NOTCH3: variants seen among roughly 807,000 people sequenced by gnomAD.
NOTCH3 encodes notch receptor 3.
NOTCH3 carries 86 observed loss-of-function variants against 213.3 expected under a neutral mutation model. The ratio of observed to expected loss-of-function variants is 0.40; its 90% CI spans 0.34 to 0.48. NOTCH3 has a LOEUF of 0.48. Among genes scored for constraint, NOTCH3 ranks in the 20% least tolerant of loss-of-function variants. NOTCH3 has a pLI of 0.57. For missense variants in NOTCH3, 2,783 were observed against 3,272.6 expected, an observed-to-expected ratio of 0.85 and a Z score of 3.65; for synonymous variants, 1,354 against 1,355.9, an observed-to-expected ratio of 1.00 and a Z score of 0.03.
chr19:15,200,776 C>G lies in NOTCH3; in HGVS notation c.118+12G>C, dbSNP rs1265800637. The stretch of plus-strand genomic sequence containing the variant: ...CCGCCCTCGTCCCATCCGCCAGGTC[C>G]CGGCCCCTCACCTGCAGCCCCCGGC... On this transcript the variant is annotated intron_variant, in intron 1 of 32. Transcript: ENST00000263388. The G allele has an allele frequency of 1.5e-6, 2 of 1,292,606 alleles. No individual in the cohort carries two copies. The highest frequency in any genetic ancestry group is 2.0e-6 in the Non-Finnish European group (2 of 1,014,764). The allele number at this position is 1,292,606 out of a possible 1,614,324, so 80.1% of individuals were successfully genotyped here.
At chr19:15,198,330 C>T (rs372214075) in intron 1 of NOTCH3, among the ~76,000 whole-genome samples, 6 of 152,062 alleles carry the variant, frequency 3.9e-5, no homozygotes, top group African/African-American at 9.7e-5. Flanking sequence ...GGACACAGTG[C>T]GTGTGTCCAT....
intron 17 of NOTCH3, 119 bp downstream of exon 17, chr19:15,181,457 G>T: frequency 1.2e-6 from 1 of 825,354 alleles, no homozygotes; most frequent in Non-Finnish European, 1.9e-6. Flanking sequence ...AGTCATCAGA[G>T]TCCGCAGTGG....
At chr19:15,173,058 T>C (rs1480769049) in intron 25 of NOTCH3, among the ~76,000 whole-genome samples, 91 of 2,356 alleles carry the variant, frequency 0.039, 8 homozygotes, top group African/African-American at 0.3. Context: ...TCCTCCCTCT[T>C]CTTCTTCTTC....
At chr19:15,178,678 C>G in intron 23 of NOTCH3, 145 bp downstream of exon 23, 1 of 705,120 alleles carries the variant, frequency 1.4e-6, no homozygotes, top group Admixed American at 2.0e-5. Flanking sequence ...AGCTACCACA[C>G]CCGGCGGAAA....
chr19:15,189,045 CG>C lies in NOTCH3; in HGVS notation c.1321del (p.Arg441GlufsTer10). On this transcript the variant is annotated frameshift_variant, in exon 8 of 33. Coordinates refer to ENST00000263388, the MANE Select transcript of NOTCH3 (RefSeq NM_000435.3). LOFTEE classifies it high-confidence loss of function. ...DVNECLSGPC[R>X]NQATCLDRIG... ...GCGGTCGAGGCACGTGGCCTGGTTT[CG>C]GCAGGGCCCCGACAGACACTCGTTG... is the stretch of plus-strand genomic sequence containing the variant. The C allele has an allele frequency of 6.2e-7, 1 of 1,613,146 alleles. No individual in the cohort carries two copies. Among genetic ancestry groups the C allele is most frequent in the Non-Finnish European group, 8.5e-7 (1 of 1,180,012 alleles).
chr19:15,193,785 AACAAAAAAAAC>A (rs1568362663), intron 2 of NOTCH3, among the ~76,000 whole-genome samples: 2,479 of 135,142 alleles, frequency 0.018, 352 homozygotes, highest in Non-Finnish European at 0.028. Flanking sequence ...AAAAACAAAA[AACAAAAAAAAC>A]AAACAGGCCA....
rs373859689 is a variant in NOTCH3, at chr19:15,179,248, G to T, written c.3495C>A (p.Gly1165=). The change falls in exon 22 of 33, where the codon GGC becomes GGA. Residue 1165 remains glycine (G), a synonymous_variant. Transcript: ENST00000263388. ...VLCEINEDDC[G]PGPPLDSGPR... ...GCCCTGAGTCCAGCGGTGGGCCTGG[G>T]CCGCAGTCATCCTCATTAATCTCGC... is the stretch of plus-strand genomic sequence containing the variant. 6.2e-7 allele frequency: 1 copy of T among 1,613,950 alleles called. No homozygotes were observed. The highest frequency in any genetic ancestry group is 8.5e-7 in the Non-Finnish European group (1 of 1,180,028).
chr19:15,197,732 ACGCCCCCCCCCCCCC>A (rs2046980605), intron 1 of NOTCH3, among the ~76,000 whole-genome samples, 154 bp from the exon 2 acceptor site: 1 of 21,718 alleles, frequency 4.6e-5, no homozygotes, highest in South Asian at 1.9e-3. Context: ...CACAGTTCCC[ACGCCCCCCCCCCCCC>A]CGCCCCAGCC....
At chr19:15,170,628 C>CCCA in intron 26 of NOTCH3, 43 bp downstream of exon 26, 1 of 1,539,712 alleles carries the variant, frequency 6.5e-7, no homozygotes, top group Non-Finnish European at 8.8e-7. Context: ...TCGGCCGCCC[C>CCCA]CAGCTCCGCC....
intron 2 of NOTCH3, 55 bp downstream of exon 2, chr19:15,197,445 C>CA: frequency 6.5e-6 from 5 of 771,204 alleles, no homozygotes; most frequent in Non-Finnish European, 6.9e-6. Context: ...CAAATCGCCC[C>CA]TCCCCCCCGC....
Position 15,192,539 on chromosome 19 carries a change from G to A in NOTCH3, c.198-20C>T, listed in dbSNP as rs2046938645. ...GGGCACCTGTGGGCAGAGATGGCTT[G>A]GTTGGGCAGCACAGGGCAGGATGGC... On this transcript the variant is annotated intron_variant, in intron 2 of 32. Transcript: ENST00000263388. The A allele has an allele frequency of 6.4e-7, 1 of 1,567,908 alleles. No individual in the cohort carries two copies. The highest frequency in any genetic ancestry group is 8.6e-7 in the Non-Finnish European group (1 of 1,157,312).
Position 15,191,494 on chromosome 19 carries a change from C to T in NOTCH3, c.966G>A (p.Val322=). Residue 322 remains valine, a synonymous_variant, in exon 6 of 33, where the codon GTG becomes GTA. Transcript: ENST00000263388. ...CATGGCAGGTGGCCCCATGGAAGCA[C>T]ACGGCTGTGGCACAGTCATCGATAT... ...SQNIDDCATA[V]CFHGATCHDR... The T allele has an allele frequency of 6.2e-7, 1 of 1,613,258 alleles. No individual in the cohort carries two copies.
Position 15,170,510 on chromosome 19 carries a change from T to A in NOTCH3, c.4935A>T (p.Pro1645=), listed in dbSNP as rs111706798. 89 of 1,610,302 alleles carry A rather than the reference T, an allele frequency of 5.5e-5. 1 individual carries two copies. In the African/African-American group the frequency reaches 7.3e-4, roughly 13 times the overall value. ...GCAAGACAGCGCCCGCCACTAGCAG[T>A]GGCAGCAGCGGGACGCTGGGTTCTG... ...EPPEPSVPLL[P]LLVAGAVLLL... The change falls in exon 27 of 33, where the codon CCA becomes CCT. Residue 1645 remains proline (P), a synonymous_variant. Transcript: ENST00000263388.
At chr19:15,175,745 G>T (rs936016209) in intron 24 of NOTCH3, among the ~76,000 whole-genome samples, 10 of 151,128 alleles carry the variant, frequency 6.6e-5, no homozygotes, top group Non-Finnish European at 1.3e-4. Flanking sequence ...TGAAGGAGGT[G>T]AGGGAGGAGC....
chr19:15,173,773 A>AC (rs2046762598), intron 25 of NOTCH3, among the ~76,000 whole-genome samples: 1 of 8,814 alleles, frequency 1.1e-4, no homozygotes, highest in Non-Finnish European at 3.7e-4. Context: ...AAGGAGAAGG[A>AC]GAAGGAGAAG....
At chr19:15,199,034 G>T (rs996740438) in intron 1 of NOTCH3, among the ~76,000 whole-genome samples, 2 of 152,186 alleles carry the variant, frequency 1.3e-5, no homozygotes, top group Admixed American at 6.5e-5. Flanking sequence ...AGGACAAGCC[G>T]ACTGGACACC....
At chr19:15,183,476 C>T (rs376749957) in intron 16 of NOTCH3, among the ~76,000 whole-genome samples, 44 of 152,034 alleles carry the variant, frequency 2.9e-4, no homozygotes, top group African/African-American at 1.0e-3. Flanking sequence ...CTCAGCTCAC[C>T]GTAATCTCCA....
chr19:15,172,700 C>T (rs1007864234), intron 25 of NOTCH3, among the ~76,000 whole-genome samples: 3 of 147,226 alleles, frequency 2.0e-5, no homozygotes, highest in Non-Finnish European at 4.5e-5. Flanking sequence ...GAGTCTGGCT[C>T]TGTTGCCCCG....
chr19:15,169,865 G>A lies in NOTCH3; in HGVS notation c.5199+221C>T, dbSNP rs1859385. On this transcript the variant is annotated intron_variant, in intron 28 of 32. Coordinates refer to ENST00000263388, the MANE Select transcript of NOTCH3 (RefSeq NM_000435.3). ...GGAGGGGAGGATTTTCCACCTGCCC[G>A]GAGGGACCCTTGGGGCCCCAGTGGC... Among the ~76,000 whole-genome samples the A allele has an allele frequency of 0.11, 17,356 of 152,132 alleles. 3,029 individuals carry two copies. The highest frequency in any genetic ancestry group is 0.38 in the African/African-American group (15,746 of 41,432).
Sources: allele counts gnomAD v4.1 joint callset (sites outside exome capture counted in the v4.1 genomes callset), GRCh38; gene constraint gnomAD v4.1.1; transcripts MANE v1.5; gene names NCBI Gene and HGNC (gene_info 2026-07-23, HGNC 2026-07-21).